The following TYW1 variants were observed in gnomAD, a reference collection of about 807,000 sequenced individuals.
TYW1 encodes the protein tRNA-yW synthesizing protein 1 homolog, also known as S-adenosyl-L-methionine-dependent tRNA 4-demethylwyosine synthase TYW1.
A neutral mutation model predicts 96.2 loss-of-function variants in TYW1; 46 were observed. The ratio of observed to expected loss-of-function variants is 0.48; its 90% CI spans 0.38 to 0.61. The LOEUF (loss-of-function observed/expected upper bound fraction) is 0.61. TYW1 is among the 20% of genes least tolerant of loss of function. The probability of loss-of-function intolerance (pLI) is 0.00; values close to 1 mark genes in which losing one functional copy is unlikely to be tolerated. For missense variants in TYW1, 684 were observed against 909.6 expected, an observed-to-expected ratio of 0.75 and a Z score of 3.19; for synonymous variants, 274 against 323.0, an observed-to-expected ratio of 0.85 and a Z score of 1.63.
chr7:67,205,397 C>T (rs1330633912), intron 15 of TYW1, among the ~76,000 whole-genome samples: 1 of 149,508 alleles, frequency 6.7e-6, no homozygotes, highest in Non-Finnish European at 1.5e-5. Flanking sequence ...GGGGGGGGGG[C>T]CTTATTGCTG....
chr7:67,162,572 G>C lies in TYW1; in HGVS notation c.1699-20554G>C, dbSNP rs538335881. On this transcript the variant is annotated intron_variant, in intron 13 of 15. Transcript: ENST00000359626. ...TCGTTTTGTGAAGCATAATTTGGCT[G>C]TCTTAAATATCCTTCTCATACCCTG... Among the ~76,000 whole-genome samples the C allele has an allele frequency of 1.4e-4, 21 of 152,236 alleles. No individual in the cohort carries two copies. The South Asian group carries it at 4.1e-3, about 30-fold the overall frequency.
chr7:67,122,497 C>T (rs776611802), intron 13 of TYW1, among the ~76,000 whole-genome samples: 1 of 152,112 alleles, frequency 6.6e-6, no homozygotes, highest in Non-Finnish European at 1.5e-5. Flanking sequence ...AAGAGAAATA[C>T]AAAGAAGCAA....
At chr7:67,124,044 G>C (rs1465006008) in intron 13 of TYW1, among the ~76,000 whole-genome samples, 9 of 152,142 alleles carry the variant, frequency 5.9e-5, no homozygotes, top group Admixed American at 3.9e-4. Flanking sequence ...CCTTTCATCA[G>C]CTTAAAGAAT....
chr7:67,146,064 C>G (rs1448001864), intron 13 of TYW1, among the ~76,000 whole-genome samples: 1 of 152,048 alleles, frequency 6.6e-6, no homozygotes, highest in Admixed American at 6.5e-5. Flanking sequence ...CCGTGCCTGG[C>G]CTTTGTTCTT....
chr7:67,010,755 G>A (rs1293318528), intron 4 of TYW1, among the ~76,000 whole-genome samples: 2 of 151,988 alleles, frequency 1.3e-5, no homozygotes, highest in African/African-American at 4.8e-5. Context: ...GATTACAGAC[G>A]TGAGTCACCG....
chr7:67,188,310 ACT>A (rs1411961760), intron 14 of TYW1, among the ~76,000 whole-genome samples: 4 of 152,134 alleles, frequency 2.6e-5, no homozygotes, highest in African/African-American at 9.7e-5. Context: ...AAAGAGCGAG[ACT>A]CTGTCTCAAA....
chr7:67,106,816 T>C (rs1251476382), intron 12 of TYW1, among the ~76,000 whole-genome samples: 1 of 152,262 alleles, frequency 6.6e-6, no homozygotes, highest in African/African-American at 2.4e-5. Flanking sequence ...GCTTTTTGGC[T>C]GCTAGCAGGT....
At chr7:67,074,555 C>G (rs73700332) in intron 10 of TYW1, among the ~76,000 whole-genome samples, 10 of 152,146 alleles carry the variant, frequency 6.6e-5, no homozygotes, top group African/African-American at 2.4e-4. Context: ...TTTCATTTAC[C>G]ATGGCTTCTG....
intron 6 of TYW1, among the ~76,000 whole-genome samples, chr7:67,019,400 GT>G (rs1261323544): frequency 6.6e-6 from 1 of 152,004 alleles, no homozygotes; most frequent in Non-Finnish European, 1.5e-5. Context: ...GTTTCATCAT[GT>G]TGGTTAGGCT....
At chr7:67,040,841 C>CT (rs1292677387) in intron 7 of TYW1, among the ~76,000 whole-genome samples, 1 of 149,534 alleles carries the variant, frequency 6.7e-6, no homozygotes, top group Non-Finnish European at 1.5e-5. Context: ...GAGACCCTAT[C>CT]TCAAAAAAAA....
At chr7:67,235,893 C>CAAAAAAAA (rs548873963) in intron 15 of TYW1, among the ~76,000 whole-genome samples, 1 of 69,556 alleles carries the variant, frequency 1.4e-5, no homozygotes, top group Non-Finnish European at 2.8e-5. Context: ...GACTCTGTCT[C>CAAAAAAAA]AAAAAAAAAA....
chr7:67,232,230 C>T (rs1801771280), intron 15 of TYW1, among the ~76,000 whole-genome samples: 1 of 151,816 alleles, frequency 6.6e-6, no homozygotes, highest in South Asian at 2.1e-4. Context: ...CTGCGCCCAG[C>T]CACTGCCCCC....
At chr7:67,173,394 T>C (rs1195046807) in intron 13 of TYW1, among the ~76,000 whole-genome samples, 1 of 152,190 alleles carries the variant, frequency 6.6e-6, no homozygotes. Flanking sequence ...TGTGTTTCTT[T>C]GTAATTCCTG....
At chr7:67,116,324 C>CAAAAAAAAAAAAAGAAAAGAAAAG (rs1797592268) in intron 12 of TYW1, among the ~76,000 whole-genome samples, 1 of 112,600 alleles carries the variant, frequency 8.9e-6, no homozygotes, top group Non-Finnish European at 1.9e-5. Flanking sequence ...GAATCCATCT[C>CAAAAAAAAAAAAAGAAAAGAAAAG]AAAAAAAAAA....
At chr7:67,056,391 C>T (rs1795518163) in intron 9 of TYW1, among the ~76,000 whole-genome samples, 1 of 151,282 alleles carries the variant, frequency 6.6e-6, no homozygotes, top group Non-Finnish European at 1.5e-5. Context: ...ATTCGGGAGG[C>T]TGAGGCAGGA....
chr7:67,079,397 A>G (rs1399752738), intron 10 of TYW1, among the ~76,000 whole-genome samples: 3 of 151,810 alleles, frequency 2.0e-5, no homozygotes, highest in African/African-American at 7.3e-5. Flanking sequence ...GTTGGTGTAC[A>G]GTTGGTTATA....
intron 10 of TYW1, among the ~76,000 whole-genome samples, chr7:67,073,701 G>T (rs71563153): frequency 0.24 from 35,251 of 145,440 alleles, 4,495 homozygotes; most frequent in African/African-American, 0.32. Context: ...TTGAACCCAG[G>T]AGGTGGAGGT....
At chr7:67,046,525 T>C (rs569090764) in intron 7 of TYW1, among the ~76,000 whole-genome samples, 57 of 152,296 alleles carry the variant, frequency 3.7e-4, no homozygotes, top group African/African-American at 8.7e-4. Context: ...TGGGATCTTA[T>C]TTATTTCTGT....
intron 9 of TYW1, among the ~76,000 whole-genome samples, chr7:67,056,629 C>T (rs565576316): frequency 6.6e-6 from 1 of 152,122 alleles, no homozygotes; most frequent in South Asian, 2.1e-4. Flanking sequence ...AGTTCATTCA[C>T]TTTTATTGCT....
Sources: allele counts gnomAD v4.1 joint callset (sites outside exome capture counted in the v4.1 genomes callset), GRCh38; gene constraint gnomAD v4.1.1; transcripts MANE v1.5; gene names NCBI Gene and HGNC (gene_info 2026-07-23, HGNC 2026-07-21).